DOCK2: variants seen among roughly 807,000 people sequenced by gnomAD.
DOCK2 encodes the protein dedicator of cytokinesis protein 2.
Under a neutral mutation model 248.9 loss-of-function variants are expected in DOCK2, and 87 were observed. The ratio of observed to expected loss-of-function variants is 0.35; its 90% CI spans 0.29 to 0.42. DOCK2 has a LOEUF of 0.42. Among genes scored for constraint, DOCK2 ranks in the 10% least tolerant of loss-of-function variants. DOCK2 has a pLI of 1.00. For synonymous variants in DOCK2, 805 were observed against 821.6 expected, an observed-to-expected ratio of 0.98 and a Z score of 0.35; for missense variants, 1,747 against 2,300.2, an observed-to-expected ratio of 0.76 and a Z score of 4.92.
intron 27 of DOCK2, among the ~76,000 whole-genome samples, chr5:169,961,101 C>T: frequency 6.6e-6 from 1 of 152,174 alleles, no homozygotes; most frequent in Non-Finnish European, 1.5e-5. Flanking sequence ...CTGTTTAGGT[C>T]AACCTGTTGC....
intron 8 of DOCK2, among the ~76,000 whole-genome samples, chr5:169,689,000 G>T (rs1436152870): frequency 6.6e-6 from 1 of 152,152 alleles, no homozygotes; most frequent in Non-Finnish European, 1.5e-5. Context: ...GCCAGAATTT[G>T]CTTAGCAGAT....
At position 169,917,382 on chromosome 5, in the gene DOCK2, G is replaced by T. The variant is rs556674374; in HGVS notation, c.2800-65686G>T. Among the ~76,000 whole-genome samples, 85 of 152,162 alleles carry T rather than the reference G, an allele frequency of 5.6e-4. 1 individual carries two copies. Among genetic ancestry groups the T allele is most frequent in the Non-Finnish European group, 1.0e-3 (68 of 68,016 alleles). On this transcript the variant is annotated intron_variant, in intron 27 of 51. Coordinates refer to ENST00000520908, the MANE Select transcript of DOCK2 (RefSeq NM_004946.3). ...ACACCAGTAGCCCTCATTGCTTAGA[G>T]ATTTTTTTCCAGTAGTAAAAATAGG...
In DOCK2 at chr5:169,695,798, C is replaced by T; in HGVS notation, c.844-5C>T. The T allele has an allele frequency of 6.2e-7, 1 of 1,613,074 alleles. No homozygotes were observed. Among genetic ancestry groups the T allele is most frequent in the East Asian group, 2.2e-5 (1 of 44,844 alleles). On this transcript the variant is annotated splice_region_variant and splice_polypyrimidine_tract_variant and intron_variant, in intron 9 of 51. Transcript: ENST00000520908. ...ATGGTCAATTTTTTGTTTCTTTCCC[C>T]CCAGGATCTTGGAAACAAAGACCTC...
At chr5:169,821,699 G>A (rs554494263) in intron 26 of DOCK2, among the ~76,000 whole-genome samples, 1 of 152,316 alleles carries the variant, frequency 6.6e-6, no homozygotes, top group East Asian at 1.9e-4. Flanking sequence ...ATGCTAGGAA[G>A]AAACTGTGTC....
chr5:169,663,197 C>G (rs1758539583), intron 2 of DOCK2, among the ~76,000 whole-genome samples: 1 of 152,234 alleles, frequency 6.6e-6, no homozygotes, highest in South Asian at 2.1e-4. Flanking sequence ...GATTCCATGT[C>G]TCACATCTAT....
At chr5:169,888,301 T>G (rs765044655) in intron 27 of DOCK2, among the ~76,000 whole-genome samples, 2 of 152,160 alleles carry the variant, frequency 1.3e-5, no homozygotes, top group African/African-American at 4.8e-5. Flanking sequence ...TCCCTAGGCA[T>G]TGGTGGTTAG....
chr5:169,993,549 T>TTG (rs10626609), intron 29 of DOCK2, among the ~76,000 whole-genome samples: 49,135 of 149,346 alleles, frequency 0.33, 8,063 homozygotes, highest in South Asian at 0.4. Context: ...TCACATCCAT[T>TTG]TGTGTGTGTG....
intron 23 of DOCK2, among the ~76,000 whole-genome samples, chr5:169,753,305 T>C (rs578068168): frequency 6.6e-6 from 1 of 152,138 alleles, no homozygotes; most frequent in East Asian, 1.9e-4. Context: ...GTCATCTAGG[T>C]TTTAAGCCCT....
At chr5:169,774,547 A>T (rs1037698157) in intron 25 of DOCK2, among the ~76,000 whole-genome samples, 1 of 152,208 alleles carries the variant, frequency 6.6e-6, no homozygotes, top group African/African-American at 2.4e-5. Context: ...GCCATGCTGG[A>T]TGACTTCTGG....
chr5:169,801,688 C>T (rs977647466), intron 25 of DOCK2, among the ~76,000 whole-genome samples: 3 of 152,148 alleles, frequency 2.0e-5, no homozygotes, highest in African/African-American at 4.8e-5. Context: ...GACTCCCCCA[C>T]GTACAGTCAG....
chr5:169,766,952 C>T (rs941259697), intron 25 of DOCK2, among the ~76,000 whole-genome samples: 1 of 152,098 alleles, frequency 6.6e-6, no homozygotes, highest in Non-Finnish European at 1.5e-5. Context: ...GACGGGGTTT[C>T]ACCATGCTGG....
At chr5:169,849,214 A>G (rs1278485518) in intron 27 of DOCK2, among the ~76,000 whole-genome samples, 4 of 152,222 alleles carry the variant, frequency 2.6e-5, no homozygotes, top group African/African-American at 9.6e-5. Context: ...CCTGTATGCT[A>G]GGCAAATAGC....
chr5:170,019,207 G>T (rs1490477234), intron 33 of DOCK2, 99 bp downstream of exon 33: 11 of 1,557,462 alleles, frequency 7.1e-6, no homozygotes, highest in Admixed American at 7.0e-5. Flanking sequence ...TTCATTGAGA[G>T]GCTCGGCGGC....
At chr5:169,790,351 C>A (rs261601) in intron 25 of DOCK2, among the ~76,000 whole-genome samples, 24,086 of 152,082 alleles carry the variant, frequency 0.16, 1,956 homozygotes, top group South Asian at 0.17. Flanking sequence ...ATTGTCAGTA[C>A]GTGGTATTAT....
intron 25 of DOCK2, among the ~76,000 whole-genome samples, chr5:169,785,121 T>C (rs747743404): frequency 5.9e-5 from 9 of 152,234 alleles, no homozygotes; most frequent in Non-Finnish European, 1.3e-4. Context: ...TGAACTCGTA[T>C]GTTGATAACC....
intron 25 of DOCK2, among the ~76,000 whole-genome samples, chr5:169,784,661 C>G (rs1428695956): frequency 6.6e-6 from 1 of 152,120 alleles, no homozygotes; most frequent in Non-Finnish European, 1.5e-5. Context: ...CTAATAATCT[C>G]CTTTGATAAC....
intron 27 of DOCK2, among the ~76,000 whole-genome samples, chr5:169,905,643 G>A (rs539843373): frequency 1.4e-4 from 21 of 152,282 alleles, no homozygotes; most frequent in Non-Finnish European, 2.5e-4. Flanking sequence ...AGGGATGGGT[G>A]TGGGGTAGGC....
chr5:170,004,253 T>A (rs1201126565), intron 30 of DOCK2, among the ~76,000 whole-genome samples: 1 of 152,198 alleles, frequency 6.6e-6, no homozygotes, highest in African/African-American at 2.4e-5. Context: ...AAAAATGAAG[T>A]ACTTCCACAA....
intron 17 of DOCK2, 29 bp downstream of exon 17, chr5:169,712,252 T>C: frequency 6.2e-7 from 1 of 1,605,662 alleles, no homozygotes. Context: ...AGCTCTGCAC[T>C]GAGGGGAGTG....
Sources: gnomAD v4.1 joint callset for allele counts (sites outside exome capture counted in the v4.1 genomes callset) on GRCh38, gnomAD v4.1.1 for gene constraint, MANE v1.5 for transcripts, NCBI Gene and HGNC (gene_info 2026-07-23, HGNC 2026-07-21) for gene names.